The following FRMD3 variants were observed in gnomAD, a reference collection of about 807,000 sequenced individuals.
FRMD3 encodes FERM domain-containing protein 3.
Under a neutral mutation model 70.2 loss-of-function variants are expected in FRMD3, and 33 were observed. The observed-to-expected ratio is 0.47, with a 90% confidence interval of 0.36 to 0.63. FRMD3 has a LOEUF of 0.63. FRMD3 is among the 20% of genes least tolerant of loss of function. FRMD3 has a pLI of 0.00. For missense variants in FRMD3, 632 were observed against 711.4 expected, an observed-to-expected ratio of 0.89 and a Z score of 1.27; for synonymous variants, 279 against 255.9, an observed-to-expected ratio of 1.09 and a Z score of -0.86.
At chr9:83,306,277 C>T (rs778128583) in intron 10 of FRMD3, among the ~76,000 whole-genome samples, 1 of 152,168 alleles carries the variant, frequency 6.6e-6, no homozygotes, top group African/African-American at 2.4e-5. Context: ...TCTCCTGTAT[C>T]ACCCCCTCCC....
intron 1 of FRMD3, among the ~76,000 whole-genome samples, chr9:83,524,256 T>C (rs1257832561): frequency 6.6e-6 from 1 of 152,208 alleles, no homozygotes; most frequent in Non-Finnish European, 1.5e-5. Flanking sequence ...TTACAACTTC[T>C]GGGGAGCTAA....
intron 1 of FRMD3, among the ~76,000 whole-genome samples, chr9:83,489,203 G>C (rs1398186436): frequency 3.9e-5 from 6 of 152,048 alleles, no homozygotes; most frequent in Non-Finnish European, 7.4e-5. Flanking sequence ...AAACATCAAA[G>C]ATTTATGGCT....
chr9:83,280,632 A>G (rs897649653), intron 13 of FRMD3, among the ~76,000 whole-genome samples: 1 of 152,264 alleles, frequency 6.6e-6, no homozygotes, highest in African/African-American at 2.4e-5. Context: ...TTCAAGATCT[A>G]GAGCAGCTGT....
At chr9:83,322,023 T>C (rs72743061) in intron 6 of FRMD3, among the ~76,000 whole-genome samples, 4 of 151,912 alleles carry the variant, frequency 2.6e-5, no homozygotes, top group Non-Finnish European at 5.9e-5. Context: ...GTTGCAGCCA[T>C]GACAACTTGA....
chr9:83,308,830 C>A (rs1241784537), intron 10 of FRMD3, among the ~76,000 whole-genome samples: 1 of 152,130 alleles, frequency 6.6e-6, no homozygotes, highest in Non-Finnish European at 1.5e-5. Context: ...TGACTCTCTG[C>A]CAGAGGTCTC....
intron 1 of FRMD3, among the ~76,000 whole-genome samples, chr9:83,425,377 A>T (rs1317786737): frequency 6.6e-6 from 1 of 152,120 alleles, no homozygotes; most frequent in Non-Finnish European, 1.5e-5. Context: ...ACCTGGCTGA[A>T]AAGTGAGTCA....
the FRMD3 span, among the ~76,000 whole-genome samples, chr9:83,556,638 T>A: frequency 6.6e-6 from 1 of 152,192 alleles, no homozygotes; most frequent in South Asian, 2.1e-4. Context: ...CAGTTTTTAA[T>A]TTGCTTTTGG....
intron 4 of FRMD3, among the ~76,000 whole-genome samples, chr9:83,349,300 C>A (rs983211309): frequency 6.6e-6 from 1 of 152,116 alleles, no homozygotes; most frequent in Non-Finnish European, 1.5e-5. Context: ...TTCTGCCAGG[C>A]GATCTTTTCC....
chr9:83,325,177 C>A (rs146420394), intron 6 of FRMD3, among the ~76,000 whole-genome samples: 23 of 152,054 alleles, frequency 1.5e-4, no homozygotes, highest in African/African-American at 5.3e-4. Context: ...AGAGTGGGAG[C>A]GGGTGAGGGA....
intron 1 of FRMD3, among the ~76,000 whole-genome samples, chr9:83,426,780 G>A (rs1428633793): frequency 6.6e-6 from 1 of 152,196 alleles, no homozygotes; most frequent in Non-Finnish European, 1.5e-5. Flanking sequence ...AAGGGGTGGA[G>A]AGGAAGACCA....
the FRMD3 span, among the ~76,000 whole-genome samples, chr9:83,575,772 C>A: frequency 7.5e-3 from 1,145 of 152,206 alleles, 6 homozygotes; most frequent in South Asian, 0.012. Context: ...AAACTTCCGA[C>A]GAGGAAAAGT....
At chr9:83,573,782 C>T in the FRMD3 span, among the ~76,000 whole-genome samples, 8 of 151,912 alleles carry the variant, frequency 5.3e-5, no homozygotes, top group African/African-American at 1.5e-4. Context: ...CCTGACCCCC[C>T]ACCTTGCCAC....
chr9:83,413,815 AC>A (rs776321130), intron 1 of FRMD3, among the ~76,000 whole-genome samples: 28 of 152,084 alleles, frequency 1.8e-4, no homozygotes, highest in Non-Finnish European at 3.7e-4. Flanking sequence ...TAATTTCTTA[AC>A]TCTTAGCAAG....
In FRMD3 at chr9:83,505,577, C is replaced by T. The variant is rs141522375; in HGVS notation, c.147+32508G>A. ...AAGTGATCAGATTTCCACCTCCTGA[C>T]TCTACAGCTGCAAAGTGCACCTGGC... On this transcript the variant is annotated intron_variant, in intron 1 of 13. Coordinates refer to ENST00000304195, the MANE Select transcript of FRMD3 (RefSeq NM_174938.6). Among the ~76,000 whole-genome samples the T allele has an allele frequency of 4.2e-3, 634 of 152,258 alleles. 7 individuals are homozygous for T. Among genetic ancestry groups the T allele is most frequent in the Middle Eastern group, 0.027 (8 of 294 alleles).
chr9:83,351,721 A>ATAGG (rs1554691521), intron 3 of FRMD3, among the ~76,000 whole-genome samples: 64 of 152,120 alleles, frequency 4.2e-4, no homozygotes, highest in Middle Eastern at 3.4e-3. Flanking sequence ...AGATAGATAG[A>ATAGG]TAGATAGATA....
intron 13 of FRMD3, among the ~76,000 whole-genome samples, chr9:83,253,701 G>A (rs1832538715): frequency 6.6e-6 from 1 of 152,234 alleles, no homozygotes; most frequent in Non-Finnish European, 1.5e-5. Flanking sequence ...GTGGAAGACA[G>A]TGTGGCAATT....
chr9:83,544,471 C>T, the FRMD3 span, among the ~76,000 whole-genome samples: 2 of 152,158 alleles, frequency 1.3e-5, no homozygotes, highest in African/African-American at 2.4e-5. Flanking sequence ...ATGGTGTATT[C>T]CACAGGCCAG....
At chr9:83,440,570 C>A (rs1827264877) in intron 1 of FRMD3, among the ~76,000 whole-genome samples, 1 of 152,194 alleles carries the variant, frequency 6.6e-6, no homozygotes, top group South Asian at 2.1e-4. Context: ...AAAAAATGAT[C>A]ACAGGACGAG....
intron 1 of FRMD3, among the ~76,000 whole-genome samples, chr9:83,495,320 A>T (rs1828919933): frequency 6.6e-6 from 1 of 152,146 alleles, no homozygotes; most frequent in South Asian, 2.1e-4. Context: ...CAGTAAGATG[A>T]GATCCAAGAA....
Sources: allele counts gnomAD v4.1 joint callset (sites outside exome capture counted in the v4.1 genomes callset), GRCh38; gene constraint gnomAD v4.1.1; transcripts MANE v1.5; gene names NCBI Gene and HGNC (gene_info 2026-07-23, HGNC 2026-07-21).